MALRD1: variants seen among roughly 807,000 people sequenced by gnomAD.
The protein encoded by MALRD1 is MAM and LDL-receptor class A domain-containing protein 1.
In MALRD1, 247 loss-of-function variants were observed where a neutral mutation model predicts 242.1. That is an observed-to-expected ratio of 1.02 (90% CI 0.92 to 1.13). The LOEUF is 1.13. MALRD1 is among the 50% of genes most tolerant of loss of function. The probability of loss-of-function intolerance (pLI) is 0.00; values close to 1 mark genes in which losing one functional copy is unlikely to be tolerated. For missense variants in MALRD1, 2,989 were observed against 2,533.1 expected, an observed-to-expected ratio of 1.18 and a Z score of -3.86; for synonymous variants, 995 against 866.6, an observed-to-expected ratio of 1.15 and a Z score of -2.60.
chr10:19,279,950 T>A, intron 19 of MALRD1, 97 bp from the exon 20 acceptor site: 1 of 972,928 alleles, frequency 1.0e-6, no homozygotes, highest in Non-Finnish European at 1.4e-6. Flanking sequence ...TATGATATTG[T>A]GGGGCATATT....
intron 33 of MALRD1, among the ~76,000 whole-genome samples, chr10:19,571,910 G>T (rs1209058272): frequency 6.6e-6 from 1 of 152,040 alleles, no homozygotes; most frequent in African/African-American, 2.4e-5. Flanking sequence ...TTCTGCTCAG[G>T]TCCAGATTAA....
intron 38 of MALRD1, among the ~76,000 whole-genome samples, chr10:19,701,631 G>A (rs1833632819): frequency 6.6e-6 from 1 of 151,962 alleles, no homozygotes; most frequent in Non-Finnish European, 1.5e-5. Context: ...AAAAGGAGCA[G>A]GAGATAAACC....
intron 35 of MALRD1, among the ~76,000 whole-genome samples, chr10:19,612,990 C>G (rs1339141329): frequency 6.6e-6 from 1 of 151,980 alleles, no homozygotes; most frequent in Non-Finnish European, 1.5e-5. Context: ...CCACCCTTTC[C>G]TTGTATGTTT....
In MALRD1 at chr10:19,237,899, T is replaced by TTTTATATAGTTATATATAATTATATAG. The variant is rs1564491188; in HGVS notation, c.2992-19785_2992-19784insTTTATATAGTTATATATAATTATATAG. Among the ~76,000 whole-genome samples the TTTTATATAGTTATATATAATTATATAG allele has an allele frequency of 2.8e-3, 238 of 84,188 alleles. 9 individuals are homozygous for TTTTATATAGTTATATATAATTATATAG. Among genetic ancestry groups the TTTTATATAGTTATATATAATTATATAG allele is most frequent in the East Asian group, 4.9e-3 (16 of 3,280 alleles). The allele number at this position is 84,188 out of a possible 152,430, so 55.2% of individuals were successfully genotyped here. On this transcript the variant is annotated intron_variant, in intron 18 of 39. Coordinates refer to ENST00000454679, the MANE Select transcript of MALRD1 (RefSeq NM_001142308.3). ...TTTATATAGTTATATACATTATAAA[T>TTTTATATAGTTATATATAATTATATAG]AATTTTATATAGTTATATATAATTA...
intron 32 of MALRD1, among the ~76,000 whole-genome samples, chr10:19,550,591 C>T (rs1284838742): frequency 2.6e-5 from 4 of 152,010 alleles, no homozygotes; most frequent in East Asian, 1.9e-4. Flanking sequence ...TGAGAACATG[C>T]GGTATTTGGT....
At chr10:19,645,585 G>A (rs1380156179) in intron 36 of MALRD1, among the ~76,000 whole-genome samples, 1 of 152,138 alleles carries the variant, frequency 6.6e-6, no homozygotes, top group Non-Finnish European at 1.5e-5. Flanking sequence ...GTAGGGACAT[G>A]GGTGAAGCTG....
At chr10:19,212,719 A>G (rs1329127475) in intron 18 of MALRD1, among the ~76,000 whole-genome samples, 4 of 152,072 alleles carry the variant, frequency 2.6e-5, no homozygotes, top group Non-Finnish European at 5.9e-5. Flanking sequence ...GCAGTGTATG[A>G]GAGTTTCAGC....
intron 14 of MALRD1, among the ~76,000 whole-genome samples, chr10:19,191,741 T>C (rs1835984437): frequency 1.3e-5 from 2 of 152,138 alleles, no homozygotes; most frequent in African/African-American, 4.8e-5. Flanking sequence ...CTCACACCTG[T>C]AATCCTAGCA....
intron 33 of MALRD1, among the ~76,000 whole-genome samples, chr10:19,573,387 C>T (rs1836655386): frequency 6.6e-6 from 1 of 152,128 alleles, no homozygotes; most frequent in Non-Finnish European, 1.5e-5. Flanking sequence ...TCCTCTGAGC[C>T]AGGTGGTGGC....
chr10:19,565,275 A>G (rs1168729358), intron 32 of MALRD1, among the ~76,000 whole-genome samples: 1 of 152,160 alleles, frequency 6.6e-6, no homozygotes, highest in Admixed American at 6.5e-5. Flanking sequence ...GAATTTGACA[A>G]GAGCATGTAG....
intron 2 of MALRD1, among the ~76,000 whole-genome samples, chr10:19,068,434 T>G (rs1441821481): frequency 6.6e-6 from 1 of 152,076 alleles, no homozygotes; most frequent in Non-Finnish European, 1.5e-5. Context: ...ACTTAAAATC[T>G]CTGGAGTCAG....
intron 38 of MALRD1, among the ~76,000 whole-genome samples, chr10:19,706,154 C>T (rs964261178): frequency 6.6e-5 from 10 of 151,872 alleles, no homozygotes; most frequent in Non-Finnish European, 1.3e-4. Flanking sequence ...AAAGGGAGTT[C>T]AAGAAAATAA....
chr10:19,720,575 C>T (rs1340372741), intron 38 of MALRD1, among the ~76,000 whole-genome samples: 1 of 152,172 alleles, frequency 6.6e-6, no homozygotes, highest in Non-Finnish European at 1.5e-5. Flanking sequence ...AATAAATATA[C>T]ATACTCCGAT....
intron 33 of MALRD1, among the ~76,000 whole-genome samples, chr10:19,586,467 C>A (rs1837408825): frequency 6.6e-6 from 1 of 152,072 alleles, no homozygotes; most frequent in South Asian, 2.1e-4. Flanking sequence ...AGCTGCAGGT[C>A]TGTTGGAGTA....
chr10:19,665,724 A>G (rs537456611), intron 36 of MALRD1, among the ~76,000 whole-genome samples: 43 of 152,110 alleles, frequency 2.8e-4, no homozygotes, highest in Non-Finnish European at 5.0e-4. Flanking sequence ...AAAGCCGTCA[A>G]TTACCACTCA....
intron 21 of MALRD1, among the ~76,000 whole-genome samples, chr10:19,306,434 ATG>A (rs1842209637): frequency 2.0e-5 from 2 of 101,014 alleles, no homozygotes; most frequent in Non-Finnish European, 4.3e-5. Flanking sequence ...AGTGTCGTAT[ATG>A]TACCGTGTAT....
At chr10:19,231,537 G>T (rs558104013) in intron 18 of MALRD1, among the ~76,000 whole-genome samples, 1 of 152,084 alleles carries the variant, frequency 6.6e-6, no homozygotes. Context: ...GAATCATAGG[G>T]GCGGTTTCCC....
At chr10:19,250,589 C>A (rs1839254500) in intron 18 of MALRD1, among the ~76,000 whole-genome samples, 1 of 151,788 alleles carries the variant, frequency 6.6e-6, no homozygotes, top group Admixed American at 6.6e-5. Flanking sequence ...ATATCAGAGG[C>A]AAAAACACAA....
At chr10:19,687,089 TATA>T (rs769532188) in intron 36 of MALRD1, among the ~76,000 whole-genome samples, 37 of 152,298 alleles carry the variant, frequency 2.4e-4, no homozygotes, top group Admixed American at 4.6e-4. Context: ...AATAATTTCC[TATA>T]ATAAGATGGC....
Sources: allele counts gnomAD v4.1 joint callset (sites outside exome capture counted in the v4.1 genomes callset), GRCh38; gene constraint gnomAD v4.1.1; transcripts MANE v1.5; gene names NCBI Gene and HGNC (gene_info 2026-07-23, HGNC 2026-07-21).